Variants in KCNC2 observed in about 807,000 individuals in gnomAD.
KCNC2 encodes potassium voltage-gated channel subfamily C member 2.
Under a neutral mutation model 44.5 loss-of-function variants are expected in KCNC2, and 21 were observed. The ratio of observed to expected loss-of-function variants is 0.47; its 90% CI spans 0.33 to 0.68. KCNC2 has a LOEUF of 0.68. Among genes scored for constraint, KCNC2 ranks in the 30% least tolerant of loss-of-function variants. KCNC2 has a pLI of 0.01. For missense variants in KCNC2, 589 were observed against 826.2 expected (o/e 0.71, Z 3.52); for synonymous variants, 391 against 339.1 (o/e 1.15, Z -1.68).
At position 75,096,462 on chromosome 12, in the gene KCNC2, T is replaced by C. The variant is rs548962629; in HGVS notation, c.688-45145A>G. On this transcript the variant is annotated intron_variant, in intron 2 of 4. Coordinates refer to ENST00000549446, the MANE Select transcript of KCNC2 (RefSeq NM_139137.4). ...TTAAAAAATACTCTTCTGCTAAAAA[T>C]GGTTGAAGTTTCCTTACACCTCTAA... 2.0e-5 allele frequency among the ~76,000 whole-genome samples: 3 copies of C among 152,162 alleles called. No homozygotes were observed. In the East Asian group the frequency reaches 5.8e-4, roughly 29 times the overall value.
Position 75,069,275 on chromosome 12 carries a change from C to T in KCNC2, c.688-17958G>A, listed in dbSNP as rs1356624647. Among the ~76,000 whole-genome samples, 5 of 151,578 alleles carry T rather than the reference C, an allele frequency of 3.3e-5. No homozygotes were observed. The East Asian group carries it at 7.8e-4, about 24-fold the overall frequency. ...TCAGCTTCCCAAGTAGCTGGGATTA[C>T]AGGCATGCGCCACCACGCCCAGCTA... On this transcript the variant is annotated intron_variant, in intron 2 of 4. Coordinates refer to ENST00000549446, the MANE Select transcript of KCNC2 (RefSeq NM_139137.4).
intron 2 of KCNC2, among the ~76,000 whole-genome samples, chr12:75,179,214 T>A (rs911151165): frequency 6.6e-6 from 1 of 152,030 alleles, no homozygotes; most frequent in Non-Finnish European, 1.5e-5. Flanking sequence ...TTAGGCTTTC[T>A]GCAGGAAATG....
intron 4 of KCNC2, among the ~76,000 whole-genome samples, 175 bp downstream of exon 4, chr12:75,047,978 G>C (rs1424706019): frequency 6.6e-6 from 1 of 152,042 alleles, no homozygotes; most frequent in Non-Finnish European, 1.5e-5. Context: ...CGATCACATA[G>C]GTTATTATGT....
At chr12:75,049,659 TA>T (rs36057040) in intron 3 of KCNC2, among the ~76,000 whole-genome samples, 3 of 152,026 alleles carry the variant, frequency 2.0e-5, no homozygotes, top group African/African-American at 7.2e-5. Flanking sequence ...ACATTGTACC[TA>T]AAAAGGAATT....
intron 2 of KCNC2, among the ~76,000 whole-genome samples, chr12:75,093,166 A>G (rs554248695): frequency 6.6e-6 from 1 of 151,730 alleles, no homozygotes; most frequent in South Asian, 2.1e-4. Context: ...TATTCTGGCA[A>G]CCATAAACAT....
chr12:75,188,861 CAAT>C (rs1366973554), intron 2 of KCNC2, among the ~76,000 whole-genome samples: 1 of 142,494 alleles, frequency 7.0e-6, no homozygotes, highest in Non-Finnish European at 1.5e-5. Flanking sequence ...GACTCCATCT[CAAT>C]AAATAAATAA....
chr12:75,113,218 G>A (rs1042796994), intron 2 of KCNC2, among the ~76,000 whole-genome samples: 1 of 152,062 alleles, frequency 6.6e-6, no homozygotes, highest in Non-Finnish European at 1.5e-5. Context: ...TCTATCATTT[G>A]ACAAATGCAA....
At chr12:75,111,706 T>C (rs1887260926) in intron 2 of KCNC2, among the ~76,000 whole-genome samples, 1 of 152,094 alleles carries the variant, frequency 6.6e-6, no homozygotes, top group Non-Finnish European at 1.5e-5. Flanking sequence ...AAATGTAATG[T>C]CTGAAACTAA....
chr12:75,161,077 T>C (rs897853366), intron 2 of KCNC2, among the ~76,000 whole-genome samples: 1 of 151,700 alleles, frequency 6.6e-6, no homozygotes, highest in African/African-American at 2.4e-5. Context: ...AATTAGCCCA[T>C]ATAACTCAAG....
At chr12:75,125,338 T>A (rs369573890) in intron 2 of KCNC2, among the ~76,000 whole-genome samples, 40 of 152,086 alleles carry the variant, frequency 2.6e-4, no homozygotes, top group African/African-American at 9.2e-4. Flanking sequence ...AATCTCTAGG[T>A]CTTAAACTCG....
intron 2 of KCNC2, among the ~76,000 whole-genome samples, chr12:75,088,578 A>ACTT (rs1885215834): frequency 6.6e-6 from 1 of 152,060 alleles, no homozygotes; most frequent in African/African-American, 2.4e-5. Context: ...TTAGCCAGTC[A>ACTT]TAGTTATGCT....
At chr12:75,189,617 T>G (rs1053382227) in intron 2 of KCNC2, among the ~76,000 whole-genome samples, 7 of 152,246 alleles carry the variant, frequency 4.6e-5, no homozygotes, top group Admixed American at 4.6e-4. Context: ...TAATTAAACC[T>G]GTGCTAGGCA....
chr12:75,194,072 T>G (rs1223738743), intron 2 of KCNC2, among the ~76,000 whole-genome samples: 8 of 152,058 alleles, frequency 5.3e-5, no homozygotes, highest in Non-Finnish European at 7.4e-5. Context: ...ATAAGAAAGA[T>G]TCCCTGAATA....
At chr12:75,068,813 T>A (rs1171355513) in intron 2 of KCNC2, among the ~76,000 whole-genome samples, 1 of 152,100 alleles carries the variant, frequency 6.6e-6, no homozygotes, top group Non-Finnish European at 1.5e-5. Flanking sequence ...AACCAAACTG[T>A]GATAGGTTCA....
chr12:75,122,178 G>A (rs1341160354), intron 2 of KCNC2, among the ~76,000 whole-genome samples: 1 of 152,106 alleles, frequency 6.6e-6, no homozygotes, highest in African/African-American at 2.4e-5. Context: ...CCCTCTTATA[G>A]ATCCATGGAC....
intron 2 of KCNC2, among the ~76,000 whole-genome samples, chr12:75,078,221 CTGTG>C (rs758580608): frequency 7.9e-5 from 12 of 152,030 alleles, no homozygotes; most frequent in Non-Finnish European, 1.3e-4. Flanking sequence ...GAAAAAAATG[CTGTG>C]TGTGTTTCTT....
chr12:75,163,374 A>T (rs1202646790), intron 2 of KCNC2, among the ~76,000 whole-genome samples: 3 of 151,748 alleles, frequency 2.0e-5, no homozygotes, highest in Non-Finnish European at 4.4e-5. Context: ...AATAAATAAA[A>T]TTGTTGAGAG....
At chr12:75,189,533 A>C (rs1373264716) in intron 2 of KCNC2, among the ~76,000 whole-genome samples, 6 of 152,328 alleles carry the variant, frequency 3.9e-5, no homozygotes, top group Middle Eastern at 6.8e-3. Context: ...TTAGGAAAAC[A>C]CTTCTGTAAG....
Position 75,207,788 on chromosome 12 carries a change from T to C in KCNC2, c.196A>G (p.Arg66Gly). Reference protein sequence around the residue: ...PSPPPLSPPPRAPPLSPGPGG... With the variant: ...PSPPPLSPPPGAPPLSPGPGG... ...GGCCCGGGGGACAGCGGGGGCGCTC[T>C]CGGCGGCGGCGACAGTGGAGGCGGC... The change falls in exon 2 of 5, where the codon AGA becomes GGA. Residue 66 changes from arginine (R) to glycine (G), a missense_variant. By Grantham distance (125) the Arg-to-Gly change is moderately radical. Transcript: ENST00000549446. The surrounding 1 kb of genome is among the most constrained non-coding windows in gnomAD (Gnocchi z 4.1). 1 of 1,591,056 alleles carries C rather than the reference T, an allele frequency of 6.3e-7. No homozygotes were observed. The highest frequency in any genetic ancestry group is 2.3e-5 in the East Asian group (1 of 43,526).
Sources: gnomAD v4.1 joint callset for allele counts (sites outside exome capture counted in the v4.1 genomes callset) on GRCh38, gnomAD v4.1.1 for gene constraint, Gnocchi (gnomAD v3.1) non-coding constraint, MANE v1.5 for transcripts, NCBI Gene and HGNC (gene_info 2026-07-23, HGNC 2026-07-21) for gene names.